The following SND1 variants were observed in gnomAD, a reference collection of about 807,000 sequenced individuals.
SND1 encodes the protein staphylococcal nuclease domain-containing protein 1.
Under a neutral mutation model 121.7 loss-of-function variants are expected in SND1, and 38 were observed. The observed-to-expected ratio is 0.31, with a 90% CI of 0.24 to 0.41. SND1 has a LOEUF of 0.41. Among genes scored for constraint, SND1 ranks in the 10% least tolerant of loss-of-function variants. The probability of loss-of-function intolerance (pLI) is 1.00; values close to 1 mark genes in which losing one functional copy is unlikely to be tolerated. For synonymous variants in SND1, 401 were observed against 447.4 expected, an observed-to-expected ratio of 0.90 and a Z score of 1.31; for missense variants, 868 against 1,184.6, an observed-to-expected ratio of 0.73 and a Z score of 3.92.
chr7:127,660,440 T>C (rs1014360787), intron 1 of SND1, among the ~76,000 whole-genome samples: 1 of 152,218 alleles, frequency 6.6e-6, no homozygotes, highest in African/African-American at 2.4e-5. Context: ...TTCTTCTTGC[T>C]TGGAGCCAGG....
At chr7:127,992,557 T>G (rs1802545295) in intron 16 of SND1, among the ~76,000 whole-genome samples, 1 of 152,270 alleles carries the variant, frequency 6.6e-6, no homozygotes, top group South Asian at 2.1e-4. Context: ...TGTTGTGCTT[T>G]GGATGGAGGA....
chr7:128,068,619 G>T (rs934294336), intron 16 of SND1, among the ~76,000 whole-genome samples: 2 of 152,196 alleles, frequency 1.3e-5, no homozygotes, highest in Admixed American at 6.5e-5. Flanking sequence ...GAAAGGGGCC[G>T]CAGGAAATGA....
At chr7:127,875,254 T>C (rs1233617336) in intron 12 of SND1, among the ~76,000 whole-genome samples, 1 of 152,120 alleles carries the variant, frequency 6.6e-6, no homozygotes, top group Non-Finnish European at 1.5e-5. Context: ...AGCCAATAAA[T>C]ATTTATTGAG....
At chr7:127,892,136 G>A (rs888449268) in intron 13 of SND1, among the ~76,000 whole-genome samples, 3 of 152,066 alleles carry the variant, frequency 2.0e-5, no homozygotes, top group African/African-American at 7.2e-5. Context: ...GAGAAACATT[G>A]TAAGCTTTGG....
chr7:127,774,222 A>G (rs551004456), intron 10 of SND1, among the ~76,000 whole-genome samples: 3 of 152,230 alleles, frequency 2.0e-5, no homozygotes, highest in Admixed American at 6.5e-5. Context: ...GATTCAAGAC[A>G]GTGATATAAA....
chr7:128,017,873 T>TAGGCAC (rs1803260092), intron 16 of SND1, among the ~76,000 whole-genome samples: 1 of 152,228 alleles, frequency 6.6e-6, no homozygotes, highest in South Asian at 2.1e-4. Flanking sequence ...TTGCCTGCCT[T>TAGGCAC]TGTTGGTCAA....
At chr7:127,947,063 T>C (rs1489345468) in intron 15 of SND1, among the ~76,000 whole-genome samples, 7 of 152,212 alleles carry the variant, frequency 4.6e-5, no homozygotes, top group Non-Finnish European at 1.0e-4. Flanking sequence ...AGGCGACTCA[T>C]GGCAGTTGTA....
rs57570326 is a variant in SND1, at chr7:127,915,996, A to ATGTG, written c.1527+11211_1527+11214dup. Among the ~76,000 whole-genome samples the ATGTG allele has an allele frequency of 8.4e-3, 1,247 of 149,130 alleles. 18 individuals carry two copies. The highest frequency in any genetic ancestry group is 0.026 in the Admixed American group (388 of 14,916). On this transcript the variant is annotated intron_variant, in intron 14 of 23. Transcript: ENST00000354725. ...GGGAGTAGAATAATTAGAACAGCAT[A>ATGTG]TGTGTGTGTGTGTGTGTGTGTGTGT...
chr7:127,752,523 T>C (rs1164374803), intron 10 of SND1, among the ~76,000 whole-genome samples: 2 of 152,230 alleles, frequency 1.3e-5, no homozygotes, highest in African/African-American at 4.8e-5. Flanking sequence ...TAGGTAGTGC[T>C]CTGTTTCCTT....
intron 11 of SND1, among the ~76,000 whole-genome samples, chr7:127,817,253 A>G (rs1798460919): frequency 6.6e-6 from 1 of 152,234 alleles, no homozygotes; most frequent in African/African-American, 2.4e-5. Flanking sequence ...ATAAATATTA[A>G]TGCGAAGTGT....
At chr7:127,755,525 C>T (rs954959319) in intron 10 of SND1, among the ~76,000 whole-genome samples, 3 of 152,242 alleles carry the variant, frequency 2.0e-5, no homozygotes, top group African/African-American at 4.8e-5. Context: ...TTGTTTCAGA[C>T]ACCTCTCAAA....
At chr7:127,833,815 A>C (rs1396783065) in intron 11 of SND1, among the ~76,000 whole-genome samples, 1 of 152,182 alleles carries the variant, frequency 6.6e-6, no homozygotes, top group African/African-American at 2.4e-5. Context: ...CCATCCCCAG[A>C]ACTTTTTCTT....
chr7:127,865,967 T>G (rs1023968804), intron 12 of SND1, among the ~76,000 whole-genome samples: 1 of 151,944 alleles, frequency 6.6e-6, no homozygotes, highest in African/African-American at 2.4e-5. Context: ...TGTATCATCT[T>G]ACTCTCATTT....
At chr7:127,725,938 T>A (rs370048473) in intron 10 of SND1, among the ~76,000 whole-genome samples, 15 of 152,306 alleles carry the variant, frequency 9.8e-5, no homozygotes, top group African/African-American at 3.6e-4. Flanking sequence ...TGGGGGAGGT[T>A]CTTTTAATAT....
intron 16 of SND1, among the ~76,000 whole-genome samples, chr7:128,060,735 G>A (rs1793217086): frequency 6.6e-6 from 1 of 152,208 alleles, no homozygotes; most frequent in African/African-American, 2.4e-5. Context: ...GGGCACTGTG[G>A]CAAGAAGTCC....
chr7:127,994,876 T>C (rs1006213606), intron 16 of SND1, among the ~76,000 whole-genome samples: 3 of 151,854 alleles, frequency 2.0e-5, no homozygotes, highest in African/African-American at 7.3e-5. Context: ...CATGCTCGGC[T>C]AATTTTTTTT....
intron 16 of SND1, among the ~76,000 whole-genome samples, chr7:128,044,222 A>G (rs1382912110): frequency 6.6e-6 from 1 of 152,202 alleles, no homozygotes; most frequent in Non-Finnish European, 1.5e-5. Flanking sequence ...ACTTGGGCCA[A>G]TGGCACTTGT....
At position 128,069,661 on chromosome 7, in the gene SND1, G is replaced by A. The variant is rs141601274; in HGVS notation, c.1780-4841G>A. 3.5e-3 allele frequency among the ~76,000 whole-genome samples: 528 copies of A among 152,332 alleles called. 1 individual carries two copies. Among genetic ancestry groups the A allele is most frequent in the African/African-American group, 0.012 (511 of 41,566 alleles). ...GAAGTAAATAATTTATGATGATCGT[G>A]TTGAAGCATTTATGTGCTAAGCACT... On this transcript the variant is annotated intron_variant, in intron 16 of 23. Transcript: ENST00000354725.
chr7:127,943,973 G>A (rs894917870), intron 15 of SND1, among the ~76,000 whole-genome samples: 2 of 152,120 alleles, frequency 1.3e-5, no homozygotes, highest in Non-Finnish European at 2.9e-5. Flanking sequence ...GATGTGGCTC[G>A]ACTGCGTTCC....
Sources: allele counts gnomAD v4.1 joint callset (sites outside exome capture counted in the v4.1 genomes callset), GRCh38; gene constraint gnomAD v4.1.1; transcripts MANE v1.5; gene names NCBI Gene and HGNC (gene_info 2026-07-23, HGNC 2026-07-21).